Variants in C1GALT1 observed in about 807,000 individuals in gnomAD.
C1GALT1 encodes glycoprotein-N-acetylgalactosamine 3-beta-galactosyltransferase 1.
C1GALT1 carries 11 observed loss-of-function variants against 31.0 expected under a neutral mutation model. The ratio of observed to expected loss-of-function variants is 0.36; its 90% CI spans 0.22 to 0.59. The LOEUF (loss-of-function observed/expected upper bound fraction) is 0.59, where lower values mean the gene tolerates loss of function less well. C1GALT1 is among the 20% of genes least tolerant of loss of function. C1GALT1 has a pLI of 0.79. For missense variants in C1GALT1, 424 were observed against 425.2 expected, an observed-to-expected ratio of 1.00 and a Z score of 0.03; for synonymous variants, 175 against 143.6, an observed-to-expected ratio of 1.22 and a Z score of -1.56.
rs1047926466 is a variant in C1GALT1 at position 7,240,746 on chromosome 7, A to G, written c.888+1824A>G. ...TCAGAGTACCAAAATTGACCCATCA[A>G]TCTGACATTGCCTGTTCTCCCTCAG... On this transcript the variant is annotated intron_variant, in intron 3 of 3. Coordinates refer to ENST00000436587, the MANE Select transcript of C1GALT1 (RefSeq NM_020156.5). Among the ~76,000 whole-genome samples the G allele has an allele frequency of 2.6e-5, 4 of 152,236 alleles. 1 individual carries two copies. The highest frequency in any genetic ancestry group is 4.1e-4 in the South Asian group (2 of 4,832).
chr7:7,197,607 C>T (rs1394136191), intron 1 of C1GALT1, among the ~76,000 whole-genome samples: 5 of 152,110 alleles, frequency 3.3e-5, no homozygotes, highest in Admixed American at 6.5e-5. Flanking sequence ...ATGGGGATGG[C>T]ATTGAATCTA....
chr7:7,174,893 G>A (rs934786524), intron 2 of C1GALT1, among the ~76,000 whole-genome samples: 1 of 151,720 alleles, frequency 6.6e-6, no homozygotes, highest in African/African-American at 2.4e-5. Context: ...TCCATGTTTA[G>A]CATTTTGAGC....
chr7:7,202,143 C>T (rs1781553631), intron 1 of C1GALT1, among the ~76,000 whole-genome samples: 1 of 152,222 alleles, frequency 6.6e-6, no homozygotes, highest in African/African-American at 2.4e-5. Flanking sequence ...GATGTGTGTT[C>T]AGAGGCAGAC....
intron 1 of C1GALT1, among the ~76,000 whole-genome samples, chr7:7,196,440 C>A (rs1781291943): frequency 6.6e-6 from 1 of 152,170 alleles, no homozygotes. Flanking sequence ...GTATGTACCA[C>A]ATTTTCTTAC....
upstream of C1GALT1, among the ~76,000 whole-genome samples, chr7:7,178,831 T>C (rs60800562): frequency 0.027 from 4,159 of 152,316 alleles, 172 homozygotes; most frequent in African/African-American, 0.094. Flanking sequence ...CCTATTGTTG[T>C]ATAACAAACT....
At position 7,246,438 on chromosome 7, in the gene C1GALT1, G is replaced by A. The variant is rs1363240729; in HGVS notation, c.*2711G>A. On this transcript the variant is annotated 3_prime_UTR_variant, in exon 4 of 4. Transcript: ENST00000436587. ...TTGTCACAGTGATTCTTAAACTGTG[G>A]TTCTCACACTTGCCCAGGATGTTGT... 2 of 152,144 alleles carry A rather than the reference G, an allele frequency of 1.3e-5. No individual in the cohort carries two copies. Among genetic ancestry groups the A allele is most frequent in the African/African-American group, 2.4e-5 (1 of 41,430 alleles). The allele number at this position is 152,144 out of a possible 1,614,324, so 9.4% of individuals were successfully genotyped here.
intron 2 of C1GALT1, among the ~76,000 whole-genome samples, chr7:7,168,093 G>C (rs888955828): frequency 6.6e-6 from 1 of 152,184 alleles, no homozygotes; most frequent in Non-Finnish European, 1.5e-5. Context: ...GCAGACTGCT[G>C]TTTCAAAAAA....
chr7:7,208,990 G>GT (rs1562575027), intron 1 of C1GALT1, among the ~76,000 whole-genome samples: 2 of 152,166 alleles, frequency 1.3e-5, no homozygotes, highest in East Asian at 1.9e-4. Context: ...TTCTACCAGC[G>GT]TAAGTGTTCT....
At chr7:7,237,204 A>G (rs1482279664) in intron 2 of C1GALT1, among the ~76,000 whole-genome samples, 2 of 152,084 alleles carry the variant, frequency 1.3e-5, no homozygotes, top group Admixed American at 1.3e-4. Flanking sequence ...CTCTTTTAGA[A>G]ATAAAAATTG....
At chr7:7,178,040 G>T, upstream of C1GALT1, 1 of 225,960 alleles carries the variant, frequency 4.4e-6, no homozygotes. Context: ...AAAGGCTGGA[G>T]CTGTGTTTAA....
At chr7:7,206,388 C>T (rs6976921) in intron 1 of C1GALT1, among the ~76,000 whole-genome samples, 5,920 of 151,990 alleles carry the variant, frequency 0.039, 263 homozygotes, top group African/African-American at 0.11. Context: ...TGGTAATAAA[C>T]TCTCTCAGCT....
At chr7:7,227,758 T>C (rs185125295) in intron 1 of C1GALT1, among the ~76,000 whole-genome samples, 1 of 150,162 alleles carries the variant, frequency 6.7e-6, no homozygotes, top group East Asian at 1.9e-4. Context: ...AAACCTAAGC[T>C]AACACGTTAG....
chr7:7,193,454 C>T (rs1317371372), intron 1 of C1GALT1, among the ~76,000 whole-genome samples: 1 of 152,078 alleles, frequency 6.6e-6, no homozygotes, highest in Non-Finnish European at 1.5e-5. Flanking sequence ...TGTCAAAGAT[C>T]AGTTGGCTGT....
At chr7:7,220,790 G>T (rs1782477894) in intron 1 of C1GALT1, among the ~76,000 whole-genome samples, 1 of 152,168 alleles carries the variant, frequency 6.6e-6, no homozygotes, top group Non-Finnish European at 1.5e-5. Flanking sequence ...AAAGTGCTGG[G>T]ATTACAGGTG....
rs1328225294 is a variant in C1GALT1, at chr7:7,238,020, A to G, written c.221-235A>G. 6.6e-6 allele frequency among the ~76,000 whole-genome samples: 1 copy of G among 152,228 alleles called. No homozygotes were observed. Among genetic ancestry groups the G allele is most frequent in the Admixed American group, 6.5e-5 (1 of 15,286 alleles). On this transcript the variant is annotated intron_variant, in intron 2 of 3. Transcript: ENST00000436587. The surrounding 1 kb of genome is among the most constrained non-coding windows in gnomAD (Gnocchi z 5.2). ...GTAAACTACAGTTTGAGACGAATTTAGATTATAATGTCAACTCTTACTAGC... is the reference window on the plus strand; with the variant it reads ...GTAAACTACAGTTTGAGACGAATTTGGATTATAATGTCAACTCTTACTAGC...
intron 2 of C1GALT1, among the ~76,000 whole-genome samples, chr7:7,168,757 T>C (rs144908147): frequency 9.8e-5 from 15 of 152,344 alleles, no homozygotes; most frequent in Non-Finnish European, 7.3e-5. Context: ...AATTAAAGTC[T>C]CTAAAAAAGG....
At chr7:7,184,258 G>GT (rs1310601626) in intron 1 of C1GALT1, among the ~76,000 whole-genome samples, 1 of 152,206 alleles carries the variant, frequency 6.6e-6, no homozygotes. Flanking sequence ...AGTAAGGAAA[G>GT]TATGACTCAT....
chr7:7,227,152 T>C (rs952396122), intron 1 of C1GALT1, among the ~76,000 whole-genome samples: 1 of 152,186 alleles, frequency 6.6e-6, no homozygotes, highest in South Asian at 2.1e-4. Flanking sequence ...GATTCCTTTA[T>C]TTCCTATAAA....
At chr7:7,189,505 TGA>T (rs58962607) in intron 1 of C1GALT1, among the ~76,000 whole-genome samples, 23,726 of 152,086 alleles carry the variant, frequency 0.16, 2,129 homozygotes, top group East Asian at 0.36. Context: ...TTTACCTTTG[TGA>T]GTGAAATTTG....
Sources: gnomAD v4.1 joint callset for allele counts (sites outside exome capture counted in the v4.1 genomes callset) on GRCh38, gnomAD v4.1.1 for gene constraint, Gnocchi (gnomAD v3.1) non-coding constraint, MANE v1.5 for transcripts, NCBI Gene and HGNC (gene_info 2026-07-23, HGNC 2026-07-21) for gene names.